The following RIMBP2 variants were observed in gnomAD, a reference collection of about 807,000 sequenced individuals.
RIMBP2 encodes RIMS-binding protein 2.
Under a neutral mutation model 118.6 loss-of-function variants are expected in RIMBP2, and 48 were observed. The ratio of observed to expected loss-of-function variants is 0.40; its 90% CI spans 0.32 to 0.51. RIMBP2 has a LOEUF of 0.51. Ranked by LOEUF, RIMBP2 falls within the 20% of genes least tolerant of loss-of-function variation. The probability of loss-of-function intolerance (pLI) is 0.41; values close to 1 mark genes in which losing one functional copy is unlikely to be tolerated. For synonymous variants in RIMBP2, 762 were observed against 742.9 expected (o/e 1.03, Z -0.42); for missense variants, 1,551 against 1,768.3 (o/e 0.88, Z 2.20).
At chr12:130,414,815 C>G (rs12823318) in intron 17 of RIMBP2, 32,844 of 153,332 alleles carry the variant, frequency 0.21, 4,093 homozygotes, top group Middle Eastern at 0.35. Flanking sequence ...GGTTTCAACT[C>G]CATATACCAC....
Position 130,560,076 on chromosome 12 carries a change from G to A in RIMBP2, c.-216-42159C>T, listed in dbSNP as rs111329437. On this transcript the variant is annotated intron_variant, in intron 2 of 22. Transcript: ENST00000690449. ...GAGCTGCCACTCAATCACAACACACGGCCAAAGTCCAGGGTTTGTTTAATC... is the reference window on the plus strand; with the variant it reads ...GAGCTGCCACTCAATCACAACACACAGCCAAAGTCCAGGGTTTGTTTAATC... Among the ~76,000 whole-genome samples the A allele has an allele frequency of 3.3e-5, 5 of 152,248 alleles. No homozygotes were observed. In the East Asian group the frequency reaches 5.8e-4, roughly 18 times the overall value.
chr12:130,672,786 A>G (rs2064261021), intron 1 of RIMBP2, among the ~76,000 whole-genome samples: 1 of 152,214 alleles, frequency 6.6e-6, no homozygotes, highest in African/African-American at 2.4e-5. Flanking sequence ...TTCTCAAGAC[A>G]ACTGTCAGAA....
At chr12:130,500,511 T>C (rs966696302) in intron 4 of RIMBP2, among the ~76,000 whole-genome samples, 1 of 152,180 alleles carries the variant, frequency 6.6e-6, no homozygotes, top group Non-Finnish European at 1.5e-5. Flanking sequence ...TTGCTGTGCA[T>C]AACCAATCAC....
intron 2 of RIMBP2, among the ~76,000 whole-genome samples, chr12:130,535,984 T>C (rs2054045362): frequency 1.3e-5 from 2 of 151,882 alleles, no homozygotes; most frequent in South Asian, 4.1e-4. Context: ...AGACGGGGTT[T>C]CACCAAGTTG....
chr12:130,656,856 C>T (rs1286166314), intron 1 of RIMBP2, among the ~76,000 whole-genome samples: 1 of 152,066 alleles, frequency 6.6e-6, no homozygotes, highest in Non-Finnish European at 1.5e-5. Flanking sequence ...TTGCAGTGAG[C>T]CAAGATTGCA....
At chr12:130,679,030 T>C (rs762453767) in intron 1 of RIMBP2, among the ~76,000 whole-genome samples, 1 of 152,208 alleles carries the variant, frequency 6.6e-6, no homozygotes, top group Non-Finnish European at 1.5e-5. Flanking sequence ...CTGAACTGGA[T>C]ACTTTAAAAT....
chr12:130,673,236 C>A (rs1312588087), intron 1 of RIMBP2, among the ~76,000 whole-genome samples: 1 of 152,240 alleles, frequency 6.6e-6, no homozygotes, highest in Non-Finnish European at 1.5e-5. Flanking sequence ...CGCCGGACAA[C>A]TCAACTCGCG....
At chr12:130,438,334 A>ATCCCC in intron 12 of RIMBP2, 31 bp downstream of exon 12, 111 of 1,344,380 alleles carry the variant, frequency 8.3e-5, no homozygotes, top group Non-Finnish European at 1.1e-4. Flanking sequence ...GGGCCTAACA[A>ATCCCC]ACCCTCCCCA....
intron 1 of RIMBP2, among the ~76,000 whole-genome samples, chr12:130,637,487 A>C (rs938911137): frequency 2.2e-4 from 34 of 152,372 alleles, no homozygotes; most frequent in African/African-American, 7.5e-4. Flanking sequence ...TGAGTTCAAG[A>C]AGCAGCCCCC....
intron 1 of RIMBP2, among the ~76,000 whole-genome samples, chr12:130,653,682 T>C (rs1164690205): frequency 6.6e-6 from 1 of 152,242 alleles, no homozygotes; most frequent in Non-Finnish European, 1.5e-5. Flanking sequence ...TGTGGCAGGC[T>C]TCTAGCTTGG....
At position 130,697,208 on chromosome 12, in the gene RIMBP2, T is replaced by C. The variant is rs535047991; in HGVS notation, c.-352+19014A>G. On this transcript the variant is annotated intron_variant, in intron 1 of 22. Coordinates refer to ENST00000690449, the MANE Select transcript of RIMBP2 (RefSeq NM_001393629.1). ...TCCTGAACTAAGACCACAGAAATAA[T>C]AGAGAATTCCAGACCCAAGAAGTAT... is the stretch of plus-strand genomic sequence containing the variant. 1.1e-4 allele frequency among the ~76,000 whole-genome samples: 16 copies of C among 152,176 alleles called. No individual in the cohort carries two copies. In the South Asian group the frequency reaches 1.9e-3, roughly 18 times the overall value.
intron 1 of RIMBP2, among the ~76,000 whole-genome samples, chr12:130,664,973 T>C (rs9795672): frequency 0.54 from 82,011 of 151,180 alleles, 23,522 homozygotes; most frequent in Non-Finnish European, 0.64. Context: ...AACAGCGAGC[T>C]GTCTGGACCA....
intron 1 of RIMBP2, among the ~76,000 whole-genome samples, chr12:130,681,033 T>C (rs142968920): frequency 1.6e-4 from 24 of 152,344 alleles, no homozygotes; most frequent in Non-Finnish European, 3.1e-4. Flanking sequence ...TAATTAATAA[T>C]TGGTATCAGG....
In RIMBP2 at chr12:130,623,335, T is replaced by C. The variant is rs769940030; in HGVS notation, c.-217+4987A>G. On this transcript the variant is annotated intron_variant, in intron 2 of 22. Transcript: ENST00000690449. The surrounding 1 kb of genome is among the most constrained non-coding windows in gnomAD (Gnocchi z 4.1). The stretch of plus-strand genomic sequence containing the variant: ...GTATACATGTGCCACAGTGGTTTGC[T>C]GCACCCATCAGCCTGTCATCTAGGT... Among the ~76,000 whole-genome samples, 3 of 152,212 alleles carry C rather than the reference T, an allele frequency of 2.0e-5. No homozygotes were observed. Among genetic ancestry groups the C allele is most frequent in the Non-Finnish European group, 4.4e-5 (3 of 68,040 alleles).
intron 5 of RIMBP2, among the ~76,000 whole-genome samples, chr12:130,471,355 C>T (rs992387472): frequency 6.6e-6 from 1 of 152,236 alleles, no homozygotes; most frequent in Non-Finnish European, 1.5e-5. Flanking sequence ...ATTTCTTGTC[C>T]TCACAGGCCT....
intron 11 of RIMBP2, among the ~76,000 whole-genome samples, chr12:130,441,071 G>C (rs923351171): frequency 6.6e-6 from 1 of 152,138 alleles, no homozygotes; most frequent in Admixed American, 6.5e-5. Flanking sequence ...TCACATCGCG[G>C]CGAAAATAGC....
chr12:130,456,766 G>A (rs979506655), intron 6 of RIMBP2, 66 bp from the exon 7 acceptor site: 1 of 1,233,550 alleles, frequency 8.1e-7, no homozygotes, highest in Non-Finnish European at 1.1e-6. Flanking sequence ...GTGTGCGCCT[G>A]TTCACATGTG....
chr12:130,674,482 A>C (rs2064350455), intron 1 of RIMBP2, among the ~76,000 whole-genome samples: 1 of 152,106 alleles, frequency 6.6e-6, no homozygotes, highest in Admixed American at 6.5e-5. Flanking sequence ...GTGTGGTGAC[A>C]CCTGTGTGCA....
rs1045257376 is a variant in RIMBP2 at position 130,617,721 on chromosome 12, G to A, written c.-217+10601C>T. Among the ~76,000 whole-genome samples, 8 of 152,182 alleles carry A rather than the reference G, an allele frequency of 5.3e-5. No individual in the cohort carries two copies. The highest frequency in any genetic ancestry group is 1.4e-4 in the African/African-American group (6 of 41,446). ...CAGCACCTTCAGTCCTCGAAGGTCC[G>A]CAGATGCACCCCAGTTCTGAATTCA... On this transcript the variant is annotated intron_variant, in intron 2 of 22. Coordinates refer to ENST00000690449, the MANE Select transcript of RIMBP2 (RefSeq NM_001393629.1). The surrounding 1 kb of genome is among the most constrained non-coding windows in gnomAD (Gnocchi z 4.6).
Sources: gnomAD v4.1 joint callset for allele counts (sites outside exome capture counted in the v4.1 genomes callset) on GRCh38, gnomAD v4.1.1 for gene constraint, Gnocchi (gnomAD v3.1) non-coding constraint, MANE v1.5 for transcripts, NCBI Gene and HGNC (gene_info 2026-07-23, HGNC 2026-07-21) for gene names.